ZBTB20: variants seen among roughly 807,000 people sequenced by gnomAD.
ZBTB20 encodes zinc finger and BTB domain containing 20, also known as zinc finger and BTB domain-containing protein 20.
Under a neutral mutation model 56.9 loss-of-function variants are expected in ZBTB20, and 9 were observed. That is an observed-to-expected ratio of 0.16 (90% CI 0.10 to 0.28). ZBTB20 has a LOEUF of 0.28. Among genes scored for constraint, ZBTB20 ranks in the 10% least tolerant of loss-of-function variants. The pLI, the probability that ZBTB20 is intolerant of heterozygous loss-of-function variation, is 1.00. For synonymous variants in ZBTB20, 417 were observed against 420.7 expected, an observed-to-expected ratio of 0.99 and a Z score of 0.11; for missense variants, 655 against 1,003.0, an observed-to-expected ratio of 0.65 and a Z score of 4.69.
chr3:114,589,869 T>C (rs1366391084), intron 6 of ZBTB20, among the ~76,000 whole-genome samples: 1 of 152,172 alleles, frequency 6.6e-6, no homozygotes, highest in African/African-American at 2.4e-5. Context: ...GTGTATGTGT[T>C]TGAATTGATG....
intron 3 of ZBTB20, among the ~76,000 whole-genome samples, chr3:114,960,412 G>A (rs528234575): frequency 7.2e-5 from 11 of 152,246 alleles, no homozygotes; most frequent in South Asian, 4.2e-4. Context: ...ACAGCATCAC[G>A]GAATCCTAAA....
intron 2 of ZBTB20, among the ~76,000 whole-genome samples, chr3:114,985,094 C>T (rs915740391): frequency 1.3e-5 from 2 of 152,060 alleles, no homozygotes; most frequent in Non-Finnish European, 2.9e-5. Context: ...CTTTTCTTCA[C>T]AGGATATCAC....
At chr3:114,593,121 G>T (rs1333950471) in intron 6 of ZBTB20, among the ~76,000 whole-genome samples, 1 of 152,130 alleles carries the variant, frequency 6.6e-6, no homozygotes, top group East Asian at 1.9e-4. Flanking sequence ...AAGGAACAAC[G>T]ACACTGTCCC....
At chr3:114,564,705 T>C (rs938383203) in intron 6 of ZBTB20, among the ~76,000 whole-genome samples, 3 of 152,242 alleles carry the variant, frequency 2.0e-5, no homozygotes, top group East Asian at 3.9e-4. Flanking sequence ...AAGTGCTTTC[T>C]GCACTTCCTT....
chr3:115,108,396 T>C (rs2108620572), intron 1 of ZBTB20, among the ~76,000 whole-genome samples: 1 of 152,256 alleles, frequency 6.6e-6, no homozygotes, highest in South Asian at 2.1e-4. Context: ...GGGGTTAAAC[T>C]GTACTACATA....
At chr3:114,546,505 G>A (rs2049898261) in intron 6 of ZBTB20, among the ~76,000 whole-genome samples, 2 of 151,594 alleles carry the variant, frequency 1.3e-5, no homozygotes, top group African/African-American at 4.8e-5. Context: ...GTCTGGACTA[G>A]TGGGTTATGG....
At chr3:114,885,713 A>T (rs1017577109) in intron 4 of ZBTB20, among the ~76,000 whole-genome samples, 1 of 152,094 alleles carries the variant, frequency 6.6e-6, no homozygotes, top group Admixed American at 6.5e-5. Context: ...GGATTACTTA[A>T]TTTTCATTTT....
intron 7 of ZBTB20, among the ~76,000 whole-genome samples, chr3:114,465,462 T>C (rs1293964583): frequency 6.6e-6 from 1 of 151,990 alleles, no homozygotes; most frequent in East Asian, 1.9e-4. Flanking sequence ...ATCCCAGCAC[T>C]TTGGGAGGCC....
intron 6 of ZBTB20, among the ~76,000 whole-genome samples, chr3:114,601,299 C>T (rs2056743814): frequency 6.6e-6 from 1 of 152,044 alleles, no homozygotes; most frequent in South Asian, 2.1e-4. Context: ...GATTATCTCG[C>T]ACATGGCAGC....
intron 6 of ZBTB20, among the ~76,000 whole-genome samples, chr3:114,574,310 T>C (rs905433570): frequency 6.6e-6 from 1 of 152,146 alleles, no homozygotes; most frequent in Admixed American, 6.5e-5. Context: ...AGAAGTAAAA[T>C]TAATGGGTCA....
intron 7 of ZBTB20, among the ~76,000 whole-genome samples, chr3:114,442,383 T>C (rs573150970): frequency 1.0e-3 from 152 of 152,300 alleles, no homozygotes; most frequent in African/African-American, 3.2e-3. Flanking sequence ...CTACTGTCTC[T>C]CTAGAGGAAT....
intron 4 of ZBTB20, among the ~76,000 whole-genome samples, chr3:114,868,047 A>T (rs74394649): frequency 0.014 from 2,067 of 152,278 alleles, 21 homozygotes; most frequent in Non-Finnish European, 0.021. Flanking sequence ...TTTACTCTGG[A>T]TCTCAGGGAA....
intron 6 of ZBTB20, among the ~76,000 whole-genome samples, chr3:114,590,773 G>A (rs1303386378): frequency 2.2e-4 from 33 of 152,096 alleles, no homozygotes; most frequent in Admixed American, 2.2e-3. Context: ...GAAAGGTAAG[G>A]AGAAAGTGCC....
At chr3:114,587,348 G>C (rs1424474883) in intron 6 of ZBTB20, among the ~76,000 whole-genome samples, 1 of 152,118 alleles carries the variant, frequency 6.6e-6, no homozygotes, top group Non-Finnish European at 1.5e-5. Flanking sequence ...CTTTGAAGCA[G>C]ACACAGATGT....
At chr3:114,546,288 C>A (rs974413270) in intron 6 of ZBTB20, among the ~76,000 whole-genome samples, 3 of 152,128 alleles carry the variant, frequency 2.0e-5, no homozygotes, top group Admixed American at 6.5e-5. Flanking sequence ...TAAGGATAAA[C>A]CCATTTGAAT....
intron 6 of ZBTB20, among the ~76,000 whole-genome samples, chr3:114,563,946 T>C (rs981544755): frequency 2.6e-5 from 4 of 152,100 alleles, no homozygotes; most frequent in South Asian, 4.1e-4. Flanking sequence ...CACAAACTTA[T>C]AGTTCTGGAG....
chr3:114,776,967 A>C (rs1293451420), intron 5 of ZBTB20, among the ~76,000 whole-genome samples: 3 of 152,204 alleles, frequency 2.0e-5, no homozygotes, highest in African/African-American at 4.8e-5. Flanking sequence ...TTTTCCATTT[A>C]AGTTAATGCT....
chr3:114,761,045 T>G (rs1346772334), intron 5 of ZBTB20, among the ~76,000 whole-genome samples: 1 of 152,150 alleles, frequency 6.6e-6, no homozygotes, highest in Non-Finnish European at 1.5e-5. Context: ...TCCTAGAAAC[T>G]ATACAGAATT....
chr3:114,749,425 T>A (rs573388644), intron 5 of ZBTB20, among the ~76,000 whole-genome samples: 1 of 151,984 alleles, frequency 6.6e-6, no homozygotes, highest in Non-Finnish European at 1.5e-5. Flanking sequence ...TGGCGGTGGA[T>A]ACCTGTAATC....
Sources: allele counts gnomAD v4.1 joint callset (sites outside exome capture counted in the v4.1 genomes callset), GRCh38; gene constraint gnomAD v4.1.1; transcripts MANE v1.5; gene names NCBI Gene and HGNC (gene_info 2026-07-23, HGNC 2026-07-21).